The following MRPL48 variants were observed in gnomAD, a reference collection of about 807,000 sequenced individuals.
The protein encoded by MRPL48 is mitochondrial ribosomal protein L48, also known as large ribosomal subunit protein mL48.
MRPL48 carries 16 observed loss-of-function variants against 32.9 expected under a neutral mutation model. The ratio of observed to expected loss-of-function variants is 0.49; its 90% CI spans 0.33 to 0.74. The LOEUF (loss-of-function observed/expected upper bound fraction) is 0.74. Ranked by LOEUF, MRPL48 falls within the 30% of genes least tolerant of loss-of-function variation. The pLI, the probability that MRPL48 is intolerant of heterozygous loss-of-function variation, is 0.02. For synonymous variants in MRPL48, 94 were observed against 89.2 expected (o/e 1.05, Z -0.31); for missense variants, 206 against 245.3 (o/e 0.84, Z 1.07).
chr11:73,826,441 G>C (rs1947891024), intron 4 of MRPL48, among the ~76,000 whole-genome samples: 1 of 152,088 alleles, frequency 6.6e-6, no homozygotes. Flanking sequence ...GGCAAGTAGA[G>C]GTAGACTGAT....
intron 1 of MRPL48, among the ~76,000 whole-genome samples, chr11:73,804,459 T>C (rs1170713620): frequency 6.6e-6 from 1 of 151,194 alleles, no homozygotes; most frequent in Non-Finnish European, 1.5e-5. Context: ...GTAATTTTAG[T>C]AGAGACAATA....
intron 1 of MRPL48, among the ~76,000 whole-genome samples, chr11:73,791,682 G>T (rs550287211): frequency 6.6e-6 from 1 of 152,182 alleles, no homozygotes; most frequent in African/African-American, 2.4e-5. Flanking sequence ...GCCTCCCAAA[G>T]TGCTAGGATA....
intron 7 of MRPL48, among the ~76,000 whole-genome samples, chr11:73,863,962 GTTTGT>G (rs780709870): frequency 2.0e-5 from 3 of 152,028 alleles, no homozygotes; most frequent in Non-Finnish European, 4.4e-5. Flanking sequence ...TCCAATCCCT[GTTTGT>G]TTTATTTCCT....
chr11:73,841,939 G>T (rs78447603), intron 4 of MRPL48, among the ~76,000 whole-genome samples: 340 of 130,466 alleles, frequency 2.6e-3, no homozygotes, highest in African/African-American at 8.8e-3. Context: ...ACTAGTTTTT[G>T]GGGGGGGGTT....
intron 5 of MRPL48, among the ~76,000 whole-genome samples, chr11:73,856,088 G>T (rs547890001): frequency 6.6e-6 from 1 of 152,322 alleles, no homozygotes; most frequent in South Asian, 2.1e-4. Context: ...GATTTGGATT[G>T]AATTCTAACA....
intron 1 of MRPL48, among the ~76,000 whole-genome samples, chr11:73,803,448 T>A (rs778997619): frequency 3.9e-5 from 6 of 152,088 alleles, no homozygotes; most frequent in Admixed American, 6.6e-5. Flanking sequence ...ATTTTTTTTT[T>A]TATAATTAAT....
Position 73,863,209 on chromosome 11 carries a change from T to G in MRPL48, c.512T>G (p.Leu171Trp). Residue 171 changes from leucine to tryptophan, a missense_variant, in exon 7 of 8, where the codon TTG becomes TGG. By Grantham distance (61) the Leu-to-Trp change is moderately conservative (BLOSUM62 -2). Transcript: ENST00000310614. ...GLSATFAEIF[L>W]EIIQSSLPEG... Reference sequence around the variant, plus strand: ...AGTGCTACGTTTGCAGAAATTTTCTTGGAAATAATCCAAAGCAGTCTTCCT... The same window carrying G: ...AGTGCTACGTTTGCAGAAATTTTCTGGGAAATAATCCAAAGCAGTCTTCCT... 3.2e-6 allele frequency: 5 copies of G among 1,583,022 alleles called. No homozygotes were observed. Among genetic ancestry groups the G allele is most frequent in the Non-Finnish European group, 4.3e-6 (5 of 1,164,138 alleles).
chr11:73,857,587 CTT>C (rs56265503), intron 5 of MRPL48, among the ~76,000 whole-genome samples: 7 of 88,652 alleles, frequency 7.9e-5, no homozygotes, highest in Non-Finnish European at 1.2e-4. Context: ...GCCGCATAGA[CTT>C]TTTTTTTTTT....
intron 2 of MRPL48, among the ~76,000 whole-genome samples, chr11:73,807,158 C>T (rs936045313): frequency 1.3e-5 from 2 of 152,136 alleles, no homozygotes; most frequent in African/African-American, 4.8e-5. Context: ...GCATGAGCCA[C>T]CGTGCCCAGG....
At chr11:73,789,680 C>T (rs2462621) in intron 1 of MRPL48, among the ~76,000 whole-genome samples, 78,440 of 152,012 alleles carry the variant, frequency 0.52, 21,610 homozygotes, top group African/African-American at 0.73. Flanking sequence ...ATAATGTAAA[C>T]AGGAATATTT....
In MRPL48 at chr11:73,805,029, G is replaced by A. The variant is rs1212761673; in HGVS notation, c.24G>A (p.Val8=). The change falls in exon 2 of 8, where the codon GTG becomes GTA. Residue 8 remains valine (V), a splice_region_variant and synonymous_variant. Transcript: ENST00000310614. The stretch of plus-strand genomic sequence containing the variant: ...CTAACATGGCTGTTTTGCTGTAGGT[G>A]CTGTGCCTGAGGAACAATACCATTT... The part of the protein sequence containing the change: MSGTLEK[V]LCLRNNTIFK... The A allele has an allele frequency of 1.3e-6, 2 of 1,590,450 alleles. No homozygotes were observed. The highest frequency in any genetic ancestry group is 1.1e-5 in the South Asian group (1 of 87,462).
At chr11:73,805,124 T>C (rs772356115) in intron 2 of MRPL48, 45 bp downstream of exon 2, 1 of 1,486,568 alleles carries the variant, frequency 6.7e-7, no homozygotes, top group South Asian at 1.2e-5. Context: ...AACATTTGCC[T>C]TTGGCTTCAT....
chr11:73,805,897 G>T (rs1374243654), intron 2 of MRPL48, among the ~76,000 whole-genome samples: 1 of 152,010 alleles, frequency 6.6e-6, no homozygotes, highest in Admixed American at 6.6e-5. Flanking sequence ...GGGCTCAAGT[G>T]ATCTGCCCAA....
At position 73,864,509 on chromosome 11, in the gene MRPL48, TC is replaced by T; in HGVS notation, c.*141del. On this transcript the variant is annotated 3_prime_UTR_variant, in exon 8 of 8. Coordinates refer to ENST00000310614, the MANE Select transcript of MRPL48 (RefSeq NM_016055.6). ...TTCCCATAGCCAGTAATGTCCTCACTCCTCTGTGGCTTGGCTGTACTTGCCA... is the reference window on the plus strand; with the variant it reads ...TTCCCATAGCCAGTAATGTCCTCACTCTCTGTGGCTTGGCTGTACTTGCCA... 1.3e-6 allele frequency: 1 copy of T among 781,976 alleles called. No homozygotes were observed. Among genetic ancestry groups the T allele is most frequent in the Non-Finnish European group, 2.1e-6 (1 of 476,780 alleles). 48.4% of individuals were successfully genotyped at this position (781,976 alleles called of 1,614,324 possible).
intron 5 of MRPL48, among the ~76,000 whole-genome samples, chr11:73,853,398 T>G (rs1236330654): frequency 6.6e-6 from 1 of 151,748 alleles, no homozygotes; most frequent in East Asian, 1.9e-4. Context: ...AATTAAACAT[T>G]AAAAAAAAGA....
At chr11:73,817,133 G>A (rs1475784823) in intron 3 of MRPL48, among the ~76,000 whole-genome samples, 17 of 152,088 alleles carry the variant, frequency 1.1e-4, no homozygotes, top group Admixed American at 1.1e-3. Flanking sequence ...TGCCCAGCCT[G>A]TTTATTTTGT....
At chr11:73,847,336 G>T (rs1310645577) in intron 5 of MRPL48, among the ~76,000 whole-genome samples, 1 of 152,018 alleles carries the variant, frequency 6.6e-6, no homozygotes, top group Non-Finnish European at 1.5e-5. Context: ...TTTGTCATCT[G>T]TGTATCTTCC....
At chr11:73,793,083 G>C (rs1306362756) in intron 1 of MRPL48, among the ~76,000 whole-genome samples, 1 of 152,054 alleles carries the variant, frequency 6.6e-6, no homozygotes, top group African/African-American at 2.4e-5. Context: ...TATTTATTTT[G>C]AGATGGAGTT....
chr11:73,817,388 G>T (rs1947696793), intron 3 of MRPL48, among the ~76,000 whole-genome samples: 1 of 152,076 alleles, frequency 6.6e-6, no homozygotes, highest in South Asian at 2.1e-4. Flanking sequence ...TTGGGTCAAA[G>T]GAAATACACA....
Sources: gnomAD v4.1 joint callset for allele counts (sites outside exome capture counted in the v4.1 genomes callset) on GRCh38, gnomAD v4.1.1 for gene constraint, MANE v1.5 for transcripts, NCBI Gene and HGNC (gene_info 2026-07-23, HGNC 2026-07-21) for gene names.